The following MACROD2 variants were observed in gnomAD, a reference collection of about 807,000 sequenced individuals.
MACROD2 encodes the protein ADP-ribose glycohydrolase MACROD2.
In MACROD2, 36 loss-of-function variants were observed where a neutral mutation model predicts 70.4. That is an observed-to-expected ratio of 0.51 (90% CI 0.39 to 0.68). The LOEUF (loss-of-function observed/expected upper bound fraction) is 0.68, where lower values mean the gene tolerates loss of function less well. MACROD2 is among the 30% of genes least tolerant of loss of function. MACROD2 has a pLI of 0.00. For missense variants in MACROD2, 496 were observed against 538.4 expected (o/e 0.92, Z 0.78); for synonymous variants, 172 against 178.8 (o/e 0.96, Z 0.30).
At chr20:14,082,501 C>T (rs1047709580) in intron 2 of MACROD2, among the ~76,000 whole-genome samples, 1 of 151,840 alleles carries the variant, frequency 6.6e-6, no homozygotes, top group Non-Finnish European at 1.5e-5. Context: ...CCTCCCATAC[C>T]TTTCTTTTAT....
intron 5 of MACROD2, among the ~76,000 whole-genome samples, chr20:14,914,231 C>G (rs917449767): frequency 6.6e-6 from 1 of 152,156 alleles, no homozygotes; most frequent in Non-Finnish European, 1.5e-5. Context: ...ATTCCTGACA[C>G]AGAGTGGAGG....
intron 5 of MACROD2, among the ~76,000 whole-genome samples, chr20:14,833,445 G>A (rs566742332): frequency 9.9e-5 from 15 of 152,218 alleles, no homozygotes; most frequent in South Asian, 4.2e-4. Context: ...CAAAGTACCC[G>A]TGTGATGCCA....
chr20:14,705,669 TG>T (rs1275487272), intron 5 of MACROD2, among the ~76,000 whole-genome samples: 1 of 152,200 alleles, frequency 6.6e-6, no homozygotes, highest in Non-Finnish European at 1.5e-5. Flanking sequence ...CAGAAGTAAT[TG>T]GGAATAAAAA....
At chr20:14,784,704 AG>A (rs1600660855) in intron 5 of MACROD2, among the ~76,000 whole-genome samples, 1 of 145,604 alleles carries the variant, frequency 6.9e-6, no homozygotes, top group African/African-American at 2.5e-5. Context: ...TTACCTGGAT[AG>A]GGAAAACATA....
chr20:15,667,652 C>T (rs1253086686), intron 8 of MACROD2, among the ~76,000 whole-genome samples: 4 of 152,136 alleles, frequency 2.6e-5, no homozygotes, highest in African/African-American at 9.7e-5. Flanking sequence ...ACAAAAATTA[C>T]ATATCATCTA....
chr20:15,921,222 G>C (rs553945193), intron 10 of MACROD2, among the ~76,000 whole-genome samples: 1 of 152,036 alleles, frequency 6.6e-6, no homozygotes, highest in Non-Finnish European at 1.5e-5. Flanking sequence ...CACTCCATTC[G>C]TTGTCTGCTC....
At chr20:15,869,889 A>G (rs1400689883) in intron 9 of MACROD2, among the ~76,000 whole-genome samples, 1 of 152,132 alleles carries the variant, frequency 6.6e-6, no homozygotes, top group African/African-American at 2.4e-5. Flanking sequence ...AATTCACTTT[A>G]CTTGAGTACG....
intron 8 of MACROD2, among the ~76,000 whole-genome samples, chr20:15,701,488 A>G (rs2050457632): frequency 6.6e-6 from 1 of 152,192 alleles, no homozygotes. Flanking sequence ...TCATATTTCT[A>G]TAACTCTAGC....
chr20:15,000,802 G>A (rs1171598727), intron 5 of MACROD2, among the ~76,000 whole-genome samples: 1 of 152,112 alleles, frequency 6.6e-6, no homozygotes, highest in Non-Finnish European at 1.5e-5. Flanking sequence ...ATTTGACGTA[G>A]TCTGACATAA....
intron 5 of MACROD2, among the ~76,000 whole-genome samples, chr20:14,698,339 T>C (rs1369033363): frequency 3.3e-5 from 5 of 152,140 alleles, no homozygotes; most frequent in African/African-American, 1.2e-4. Context: ...TTTAACCTCT[T>C]TGTGCCTCCG....
Position 15,230,011 on chromosome 20 carries a change from T to A in MACROD2, c.490T>A (p.Cys164Ser). ...TTCCCACAAGGAAGACCTTGCAAAT[T>A]GCTATAAATCATCTCTGAAGCTCGT... ...NGSHKEDLAN[C>S]YKSSLKLVKE... Residue 164 changes from cysteine to serine, a missense_variant, in exon 6 of 18, where the codon TGC becomes AGC. Coordinates refer to ENST00000684519, the MANE Select transcript of MACROD2 (RefSeq NM_001351661.2). The A allele has an allele frequency of 6.2e-7, 1 of 1,613,832 alleles. No homozygotes were observed. The highest frequency in any genetic ancestry group is 8.5e-7 in the Non-Finnish European group (1 of 1,179,782).
intron 5 of MACROD2, among the ~76,000 whole-genome samples, chr20:15,151,235 G>A (rs191722736): frequency 2.5e-4 from 38 of 152,124 alleles, no homozygotes; most frequent in African/African-American, 8.5e-4. Context: ...CGCGGCTTAC[G>A]AGGAATCCCA....
Position 14,515,465 on chromosome 20 carries a change from G to GCGCGCACACACACACA in MACROD2, c.301+21958_301+21959insGCGCACACACACACAC, listed in dbSNP as rs1369248292. Reference sequence around the variant, plus strand: ...AAGAATATGTGAGATACACACACACGCACACACACACACACACACACACAC... The same window carrying GCGCGCACACACACACA: ...AAGAATATGTGAGATACACACACACGCGCGCACACACACACACACACACACACACACACACACACAC... On this transcript the variant is annotated intron_variant, in intron 4 of 17. Transcript: ENST00000684519. Among the ~76,000 whole-genome samples, 344 of 127,162 alleles carry GCGCGCACACACACACA rather than the reference G, an allele frequency of 2.7e-3. 2 individuals are homozygous for GCGCGCACACACACACA. The Middle Eastern group carries it at 0.028, about 10-fold the overall frequency. 83.4% of individuals were successfully genotyped at this position (127,162 alleles called of 152,430 possible).
At chr20:14,686,552 TA>T (rs2071004637) in intron 5 of MACROD2, among the ~76,000 whole-genome samples, 1 of 152,344 alleles carries the variant, frequency 6.6e-6, no homozygotes, top group Non-Finnish European at 1.5e-5. Flanking sequence ...GTACGTTTTC[TA>T]TGTTTAGCTA....
chr20:14,896,852 T>G (rs1165625923), intron 5 of MACROD2, among the ~76,000 whole-genome samples: 1 of 145,012 alleles, frequency 6.9e-6, no homozygotes, highest in African/African-American at 2.6e-5. Context: ...TTAATCACCT[T>G]CAAAAAACTG....
intron 5 of MACROD2, among the ~76,000 whole-genome samples, chr20:14,701,235 A>G (rs1402356794): frequency 6.6e-6 from 1 of 152,114 alleles, no homozygotes; most frequent in East Asian, 1.9e-4. Flanking sequence ...ACTGCTATCT[A>G]TATTCTGTAG....
chr20:15,190,805 C>T (rs2076565516), intron 5 of MACROD2, among the ~76,000 whole-genome samples: 1 of 152,116 alleles, frequency 6.6e-6, no homozygotes. Flanking sequence ...TTAGAATTGG[C>T]ATTTAGGGAC....
At chr20:14,321,525 G>T (rs1224751205) in intron 3 of MACROD2, among the ~76,000 whole-genome samples, 1 of 152,182 alleles carries the variant, frequency 6.6e-6, no homozygotes, top group Non-Finnish European at 1.5e-5. Context: ...CTAAGACTAT[G>T]CTAAATTAAG....
intron 7 of MACROD2, among the ~76,000 whole-genome samples, chr20:15,457,420 G>T (rs2046743226): frequency 6.6e-6 from 1 of 152,062 alleles, no homozygotes; most frequent in Admixed American, 6.6e-5. Flanking sequence ...ATCTCATAAT[G>T]TTACCAATTT....
Sources: allele counts gnomAD v4.1 joint callset (sites outside exome capture counted in the v4.1 genomes callset), GRCh38; gene constraint gnomAD v4.1.1; transcripts MANE v1.5; gene names NCBI Gene and HGNC (gene_info 2026-07-23, HGNC 2026-07-21).